Variants in ENOX2 observed in about 807,000 individuals in gnomAD.
The protein encoded by ENOX2 is APK1 antigen.
In ENOX2, 36 loss-of-function variants were observed where a neutral mutation model predicts 45.0. That is an observed-to-expected ratio of 0.80 (90% CI 0.61 to 1.06). The LOEUF is 1.06. Among genes scored for constraint, ENOX2 ranks in the 50% least tolerant of loss-of-function variants. The probability of loss-of-function intolerance (pLI) is 0.00; values close to 1 mark genes in which losing one functional copy is unlikely to be tolerated. For synonymous variants in ENOX2, 174 were observed against 152.3 expected, an observed-to-expected ratio of 1.14 and a Z score of -1.05; for missense variants, 423 against 462.5, an observed-to-expected ratio of 0.91 and a Z score of 0.78.
intron 13 of ENOX2, among the ~76,000 whole-genome samples, chrX:130,630,180 G>A (rs944746812): frequency 9.0e-6 from 1 of 110,953 alleles, no homozygotes; most frequent in Non-Finnish European, 1.9e-5. Context: ...TGCTAGCATG[G>A]ACCTCATCAA....
intron 2 of ENOX2, among the ~76,000 whole-genome samples, chrX:130,879,959 A>G (rs1039416446): frequency 2.7e-5 from 3 of 111,997 alleles, no homozygotes; most frequent in Non-Finnish European, 5.6e-5. Flanking sequence ...TAGCTGCGAT[A>G]CTGTCTCTTT....
intron 3 of ENOX2, among the ~76,000 whole-genome samples, chrX:130,767,746 G>T (rs143703666): frequency 9.3e-4 from 104 of 112,395 alleles, no homozygotes; most frequent in African/African-American, 3.1e-3. Flanking sequence ...CGCCATGTTG[G>T]AGCTTGGTCT....
intron 3 of ENOX2, among the ~76,000 whole-genome samples, chrX:130,707,075 G>C (rs749739246): frequency 1.5e-4 from 17 of 112,493 alleles, no homozygotes; most frequent in Non-Finnish European, 3.0e-4. Flanking sequence ...GTTCTGGCCT[G>C]ATCCACTTTC....
chrX:130,806,586 C>T (rs2077304675), intron 2 of ENOX2, among the ~76,000 whole-genome samples: 2 of 111,775 alleles, frequency 1.8e-5, no homozygotes, highest in South Asian at 7.5e-4. Context: ...CTAGAATTAC[C>T]ACTGACTCAC....
rs35707419 is a variant in ENOX2, at chrX:130,832,446, C to T, written c.-182-48756G>A. 6.7e-5 allele frequency among the ~76,000 whole-genome samples: 7 copies of T among 104,349 alleles called. No individual in the cohort carries two copies. In the Admixed American group the frequency reaches 7.9e-4, roughly 12 times the overall value. The allele number at this position is 104,349 out of a possible 115,157, so 90.6% of individuals were successfully genotyped here. A position where few individuals can be genotyped will look rare whatever the true frequency, so the allele number is the denominator to read the frequency against. On this transcript the variant is annotated intron_variant, in intron 2 of 14. Coordinates refer to ENST00000394363, the MANE Select transcript of ENOX2 (RefSeq NM_006375.4). ...ACACACACACACACACACATACACA[C>T]ACACACACACACACACACACACACC...
intron 10 of ENOX2, among the ~76,000 whole-genome samples, chrX:130,642,728 C>A (rs1403093030): frequency 8.9e-6 from 1 of 112,201 alleles, no homozygotes; most frequent in African/African-American, 3.2e-5. Flanking sequence ...AATTCTCCCC[C>A]AGCAAAAAAG....
At chrX:130,658,265 C>T (rs757888307) in intron 9 of ENOX2, among the ~76,000 whole-genome samples, 7 of 110,589 alleles carry the variant, frequency 6.3e-5, no homozygotes, top group South Asian at 3.8e-4. Flanking sequence ...AATAACCAGA[C>T]GAGCCTAAAA....
intron 2 of ENOX2, among the ~76,000 whole-genome samples, chrX:130,854,057 C>G (rs2078265064): frequency 8.9e-6 from 1 of 111,835 alleles, no homozygotes; most frequent in Non-Finnish European, 1.9e-5. Flanking sequence ...AGGGAAATAT[C>G]AATTTAACAG....
intron 2 of ENOX2, among the ~76,000 whole-genome samples, chrX:130,859,287 G>A (rs376796217): frequency 2.0e-4 from 22 of 112,021 alleles, no homozygotes; most frequent in African/African-American, 6.5e-4. Context: ...AGCTGAGATC[G>A]TGCCATTGCA....
chrX:130,879,220 C>T (rs916433705), intron 2 of ENOX2, among the ~76,000 whole-genome samples: 61 of 111,714 alleles, frequency 5.5e-4, no homozygotes, highest in Non-Finnish European at 4.0e-4. Flanking sequence ...GCTGGGCAAG[C>T]GAGTGGCAAT....
chrX:130,658,362 A>G (rs1230178099), intron 9 of ENOX2, among the ~76,000 whole-genome samples: 1 of 111,977 alleles, frequency 8.9e-6, no homozygotes, highest in East Asian at 2.8e-4. Flanking sequence ...AGAAAGATAA[A>G]TATTTTTAAA....
Position 130,816,513 on chromosome X carries a change from TG to T in ENOX2, c.-182-32824del, listed in dbSNP as rs1179079381. On this transcript the variant is annotated intron_variant, in intron 2 of 14. Transcript: ENST00000394363. ...CTTATTCTAAAACTGACCACATAATTGGAAGTAAAACACTCCTCAGCAAATG... is the reference window on the plus strand; with the variant it reads ...CTTATTCTAAAACTGACCACATAATTGAAGTAAAACACTCCTCAGCAAATG... Among the ~76,000 whole-genome samples the T allele has an allele frequency of 6.3e-5, 7 of 111,584 alleles. 1 individual carries two copies. The highest frequency in any genetic ancestry group is 5.7e-4 in the Admixed American group (6 of 10,498).
intron 2 of ENOX2, among the ~76,000 whole-genome samples, chrX:130,872,293 G>C (rs2078609857): frequency 8.9e-6 from 1 of 112,465 alleles, no homozygotes; most frequent in South Asian, 3.6e-4. Flanking sequence ...AATTCTCATG[G>C]ATGAAACAGT....
rs1483068823 is a variant in ENOX2, at chrX:130,623,415, T to C, written c.*1899A>G. ...AGTTCCGGGGTACATGTGCAGGATG[T>C]GCAGGTTTGTTACATAGGTGAACGT... is the stretch of plus-strand genomic sequence containing the variant. On this transcript the variant is annotated 3_prime_UTR_variant, in exon 15 of 15. Coordinates refer to ENST00000394363, the MANE Select transcript of ENOX2 (RefSeq NM_006375.4). 1.8e-5 allele frequency: 2 copies of C among 110,977 alleles called. No individual in the cohort carries two copies. The highest frequency in any genetic ancestry group is 6.6e-5 in the African/African-American group (2 of 30,437). 9.1% of individuals were successfully genotyped at this position (110,977 alleles called of 1,213,427 possible). A position where few individuals can be genotyped will look rare whatever the true frequency, so the allele number is the denominator to read the frequency against.
intron 2 of ENOX2, among the ~76,000 whole-genome samples, chrX:130,814,610 C>T (rs775630636): frequency 1.8e-5 from 2 of 111,788 alleles, no homozygotes; most frequent in South Asian, 3.8e-4. Flanking sequence ...AAAAGGGTCT[C>T]GAGTGGACCT....
intron 5 of ENOX2, among the ~76,000 whole-genome samples, chrX:130,683,695 CT>C (rs34094699): frequency 9.1e-6 from 1 of 109,301 alleles, no homozygotes; most frequent in African/African-American, 3.3e-5. Context: ...TCGTATTACC[CT>C]TTTTTTTCAC....
intron 10 of ENOX2, among the ~76,000 whole-genome samples, chrX:130,647,797 A>G: frequency 9.1e-6 from 1 of 109,922 alleles, no homozygotes. Context: ...CTTTGGGCAT[A>G]TTTGTCTTCC....
intron 2 of ENOX2, among the ~76,000 whole-genome samples, chrX:130,888,908 T>C (rs1259136331): frequency 8.9e-6 from 1 of 111,883 alleles, no homozygotes; most frequent in Non-Finnish European, 1.9e-5. Context: ...TAGCATTATG[T>C]CCCATCTGGA....
At chrX:130,802,796 T>C (rs1426311088) in intron 2 of ENOX2, among the ~76,000 whole-genome samples, 1 of 112,202 alleles carries the variant, frequency 8.9e-6, no homozygotes, top group Non-Finnish European at 1.9e-5. Flanking sequence ...AATGATTTAT[T>C]AAAAACAAGA....
Sources: gnomAD v4.1 joint callset for allele counts (sites outside exome capture counted in the v4.1 genomes callset) on GRCh38, gnomAD v4.1.1 for gene constraint, MANE v1.5 for transcripts, NCBI Gene and HGNC (gene_info 2026-07-23, HGNC 2026-07-21) for gene names.